TMEM253: variants seen among roughly 807,000 people sequenced by gnomAD.
TMEM253 encodes transmembrane protein 253.
In TMEM253, 22 loss-of-function variants were observed where a neutral mutation model predicts 20.3. The observed-to-expected ratio is 1.08, with a 90% CI of 0.78 to 1.55. The LOEUF (loss-of-function observed/expected upper bound fraction) is 1.55. TMEM253 is among the 40% of genes most tolerant of loss of function. The pLI is 0.00. For missense variants in TMEM253, 251 were observed against 266.1 expected, an observed-to-expected ratio of 0.94 and a Z score of 0.39; for synonymous variants, 92 against 102.6, an observed-to-expected ratio of 0.90 and a Z score of 0.62.
At position 21,102,230 on chromosome 14, in the gene TMEM253, A is replaced by G; in HGVS notation, c.276+110A>G. 4.9e-6 allele frequency: 7 copies of G among 1,425,650 alleles called. No individual in the cohort carries two copies. The South Asian group carries it at 9.7e-5, about 20-fold the overall frequency. 88.3% of individuals were successfully genotyped at this position (1,425,650 alleles called of 1,614,324 possible). On this transcript the variant is annotated intron_variant, in intron 4 of 6. Transcript: ENST00000556585. Reference sequence around the variant, plus strand: ...GTGTTGACTCATTCTCTCAGCTGTCACCACTGACTGGCCTCAATCACTGAG... The same window carrying G: ...GTGTTGACTCATTCTCTCAGCTGTCGCCACTGACTGGCCTCAATCACTGAG...
At chr14:21,102,491 G>C (rs1566558222) in exon 5 of TMEM253, 1 of 1,551,732 alleles carries the variant, frequency 6.4e-7, no homozygotes, top group Non-Finnish European at 8.7e-7. Flanking sequence ...CAGCCTTGGG[G>C]CCTGCCCCAA....
exon 4 of TMEM253, chr14:21,102,096 T>C (rs1889675869): frequency 6.4e-7 from 1 of 1,551,108 alleles, no homozygotes; most frequent in East Asian, 2.4e-5. Context: ...CTCTGGAGCT[T>C]CGCAGAGCAC....
At chr14:21,101,871 C>G in exon 3 of TMEM253, 2 of 1,551,468 alleles carry the variant, frequency 1.3e-6, no homozygotes, top group Non-Finnish European at 1.7e-6. Flanking sequence ...CCAGGTGAGC[C>G]AGCTATGGCT....
rs144048367 is a variant in TMEM253, at chr14:21,101,295, G to A, written c.-36-13G>A. 1.9e-4 allele frequency: 288 copies of A among 1,514,018 alleles called. 1 individual carries two copies. In the African/African-American group the frequency reaches 3.3e-3, roughly 17 times the overall value. The allele number at this position is 1,514,018 out of a possible 1,614,324, so 93.8% of individuals were successfully genotyped here. ...TCTCCTAATAGACAGAACCTATAAC[G>A]CATTTTTCCCAGCCTAGGAAGCACC... On this transcript the variant is annotated splice_polypyrimidine_tract_variant and intron_variant, in intron 1 of 6. Coordinates refer to ENST00000556585, the Ensembl canonical transcript of TMEM253.
intron 4 of TMEM253, 126 bp from the exon 5 acceptor site, chr14:21,102,279 G>A: frequency 1.4e-6 from 2 of 1,405,120 alleles, no homozygotes; most frequent in East Asian, 2.5e-5. Flanking sequence ...AAGTTAAGAG[G>A]GCTTATGGCC....
Position 21,102,860 on chromosome 14 carries a change from G to T in TMEM253, c.534+81G>T, listed in dbSNP as rs1000739889. The T allele has an allele frequency of 2.0e-6, 3 of 1,500,002 alleles. No homozygotes were observed. The African/African-American group carries it at 4.2e-5, about 21-fold the overall frequency. 92.9% of individuals were successfully genotyped at this position (1,500,002 alleles called of 1,614,324 possible). A position where few individuals can be genotyped will look rare whatever the true frequency, so the allele number is the denominator to read the frequency against. On this transcript the variant is annotated intron_variant, in intron 6 of 6. Coordinates refer to ENST00000556585, the Ensembl canonical transcript of TMEM253. ...GCCTATCCTGGTCAGTGGCACTTAA[G>T]GGAAAATAATGGGGCAGGAGAGAAA...
At position 21,101,859 on chromosome 14, in the gene TMEM253, C is replaced by T; in HGVS notation, c.109-6C>T. 1 of 1,551,060 alleles carries T rather than the reference C, an allele frequency of 6.4e-7. No homozygotes were observed. The highest frequency in any genetic ancestry group is 1.2e-5 in the South Asian group (1 of 84,046). The stretch of plus-strand genomic sequence containing the variant: ...TCCTCCCCAATTACCCTACCCTTAC[C>T]CCCAGGTGAGCCAGCTATGGCTGGC... On this transcript the variant is annotated splice_region_variant and splice_polypyrimidine_tract_variant and intron_variant, in intron 2 of 6. Coordinates refer to ENST00000556585, the Ensembl canonical transcript of TMEM253.
upstream of TMEM253, chr14:21,099,006 G>T: frequency 2.6e-6 from 1 of 383,152 alleles, no homozygotes; most frequent in Non-Finnish European, 4.3e-6. Context: ...GGTCCTTTCC[G>T]TTCTTGATAA....
At chr14:21,099,640 C>A (rs1156336563), upstream of TMEM253, among the ~76,000 whole-genome samples, 1 of 152,208 alleles carries the variant, frequency 6.6e-6, no homozygotes, top group Non-Finnish European at 1.5e-5. Flanking sequence ...CTCTTATCGT[C>A]AACAACAAGA....
Position 21,102,130 on chromosome 14 carries a change from A to G in TMEM253, c.276+10A>G. ...ACCCCGCCTTTGGAAGGTGAGAGGG[A>G]AGAAAACGCAGCACTGTCCTCCCAC... is the stretch of plus-strand genomic sequence containing the variant. On this transcript the variant is annotated intron_variant, in intron 4 of 6. Coordinates refer to ENST00000556585, the Ensembl canonical transcript of TMEM253. The G allele has an allele frequency of 1.3e-6, 2 of 1,549,824 alleles. No individual in the cohort carries two copies. The highest frequency in any genetic ancestry group is 1.7e-6 in the Non-Finnish European group (2 of 1,146,004).
intron 2 of TMEM253, 85 bp from the exon 3 acceptor site, chr14:21,101,780 T>A: frequency 9.1e-7 from 1 of 1,093,760 alleles, no homozygotes; most frequent in East Asian, 2.6e-5. Context: ...TCAATCCCAT[T>A]TCCTGATCTC....
At chr14:21,101,484 C>T in intron 2 of TMEM253, 33 bp downstream of exon 2, 1 of 1,524,372 alleles carries the variant, frequency 6.6e-7, no homozygotes, top group Non-Finnish European at 8.9e-7. Context: ...CAGGTCTCAG[C>T]ATGTCCACTT....
At position 21,101,992 on chromosome 14, in the gene TMEM253, G is replaced by C; in HGVS notation, c.219+17G>C. The stretch of plus-strand genomic sequence containing the variant: ...GGAGCCTCAGTAAGACCCACCACAA[G>C]GGAGGGTGGAAGGTCCCAGGGCCCC... On this transcript the variant is annotated intron_variant, in intron 3 of 6. Transcript: ENST00000556585. 1 of 1,551,024 alleles carries C rather than the reference G, an allele frequency of 6.4e-7. No individual in the cohort carries two copies.
At chr14:21,102,555 CAAGAGGAGGT>C in intron 5 of TMEM253, 40 bp downstream of exon 5, 1 of 1,551,478 alleles carries the variant, frequency 6.4e-7, no homozygotes, top group Non-Finnish European at 8.7e-7. Flanking sequence ...GATAAGGAGG[CAAGAGGAGGT>C]GGGAAGGGAA....
intron 5 of TMEM253, 42 bp from the exon 6 acceptor site, chr14:21,102,591 C>G: frequency 6.4e-7 from 1 of 1,551,004 alleles, no homozygotes; most frequent in Non-Finnish European, 8.7e-7. Flanking sequence ...CAGGGGCAAA[C>G]AGGTGCGGGG....
intron 2 of TMEM253, 147 bp downstream of exon 2, chr14:21,101,598 CAT>C (rs1889635267): frequency 7.7e-6 from 6 of 774,710 alleles, no homozygotes; most frequent in South Asian, 1.8e-5. Context: ...TAGAGGAAAA[CAT>C]AGAAATAAAC....
chr14:21,103,307 G>A, exon 7 of TMEM253: 3 of 1,530,224 alleles, frequency 2.0e-6, no homozygotes, highest in Non-Finnish European at 2.6e-6. Flanking sequence ...AAACTCAGAA[G>A]CTTGCTGGGA....
chr14:21,102,292 GT>G (rs1348504542), intron 4 of TMEM253, 112 bp from the exon 5 acceptor site: 1 of 1,433,658 alleles, frequency 7.0e-7, no homozygotes, highest in Non-Finnish European at 9.5e-7. Context: ...TTATGGCCCT[GT>G]TTGGAGGCTG....
At chr14:21,101,052 C>T (rs1405209480), upstream of TMEM253, 1 of 298,620 alleles carries the variant, frequency 3.3e-6, no homozygotes, top group South Asian at 3.5e-5. Flanking sequence ...GAAACCTTTG[C>T]CCCACCACAC....
Sources: allele counts gnomAD v4.1 joint callset (sites outside exome capture counted in the v4.1 genomes callset), GRCh38; gene constraint gnomAD v4.1.1; transcripts MANE v1.5; gene names NCBI Gene and HGNC (gene_info 2026-07-23, HGNC 2026-07-21).